Variants in FBXO9 observed in about 807,000 individuals in gnomAD.
FBXO9 encodes the protein F-box protein 9, also known as F-box only protein 9.
Under a neutral mutation model 63.7 loss-of-function variants are expected in FBXO9, and 43 were observed. That is an observed-to-expected ratio of 0.67 (90% CI 0.53 to 0.87). The LOEUF (loss-of-function observed/expected upper bound fraction) is 0.87. Ranked by LOEUF, FBXO9 falls within the 40% of genes least tolerant of loss-of-function variation. The pLI, the probability that FBXO9 is intolerant of heterozygous loss-of-function variation, is 0.00. For missense variants in FBXO9, 442 were observed against 533.2 expected (o/e 0.83, Z 1.68); for synonymous variants, 156 against 171.7 (o/e 0.91, Z 0.72).
At chr6:53,092,585 T>C in intron 8 of FBXO9, 38 bp downstream of exon 8, 1 of 1,534,724 alleles carries the variant, frequency 6.5e-7, no homozygotes, top group Non-Finnish European at 9.0e-7. Flanking sequence ...GAAATACTGA[T>C]CTATAATGCT....
In FBXO9 at chr6:53,097,958, A is replaced by ATAT. The variant is rs1763264270; in HGVS notation, c.*129_*131dup. On this transcript the variant is annotated 3_prime_UTR_variant, in exon 13 of 13. Coordinates refer to ENST00000323557, the MANE Select transcript of FBXO9 (RefSeq NM_033480.3). ...TATATATATATATATATATATATATATATATATATATATATATGGAATTGG... is the reference window on the plus strand; with the variant it reads ...TATATATATATATATATATATATATATATTATATATATATATATATGGAATTGG... 6.6e-6 allele frequency: 1 copy of ATAT among 152,262 alleles called. No individual in the cohort carries two copies. Among genetic ancestry groups the ATAT allele is most frequent in the Non-Finnish European group, 1.3e-5 (1 of 75,666 alleles). The allele number at this position is 152,262 out of a possible 1,614,324, so 9.4% of individuals were successfully genotyped here.
Position 53,065,683 on chromosome 6 carries a change from C to T in FBXO9, c.-107C>T, listed in dbSNP as rs1350207982. 3 of 1,318,930 alleles carry T rather than the reference C, an allele frequency of 2.3e-6. No individual in the cohort carries two copies. The highest frequency in any genetic ancestry group is 3.1e-5 in the African/African-American group (2 of 65,480). The allele number at this position is 1,318,930 out of a possible 1,614,324, so 81.7% of individuals were successfully genotyped here. ...CCGAGAACTCTGCTAAGCTCCGCTG[C>T]AGAGACAGGCAGGAGTAGACACCCG... On this transcript the variant is annotated 5_prime_UTR_variant, in exon 1 of 13. Transcript: ENST00000323557.
At chr6:53,083,197 T>C (rs1184583614) in intron 7 of FBXO9, among the ~76,000 whole-genome samples, 1 of 152,236 alleles carries the variant, frequency 6.6e-6, no homozygotes, top group Non-Finnish European at 1.5e-5. Flanking sequence ...AGTCCTTATA[T>C]AGAATTTTTA....
chr6:53,070,887 A>C, intron 1 of FBXO9, 170 bp from the exon 2 acceptor site: 1 of 1,026,896 alleles, frequency 9.7e-7, no homozygotes, highest in Non-Finnish European at 1.4e-6. Flanking sequence ...TTCCTTTGGA[A>C]ATTAATAGTA....
At chr6:53,084,202 A>G (rs1769400285) in intron 7 of FBXO9, among the ~76,000 whole-genome samples, 1 of 152,242 alleles carries the variant, frequency 6.6e-6, no homozygotes, top group African/African-American at 2.4e-5. Flanking sequence ...CTTAAGAACA[A>G]CTAATTGAGT....
At position 53,093,937 on chromosome 6, in the gene FBXO9, C is replaced by G. The variant is rs1483711087; in HGVS notation, c.1012C>G (p.Gln338Glu). ...HYRLSQDTDNQTKVFAVITKK... is the reference protein window; with the variant it reads ...HYRLSQDTDNETKVFAVITKK... ...TCGCTTGTCACAAGACACAGACAAT[C>G]AGACCAAAGTATTTGCTGTAATAAC... The change falls in exon 11 of 13, where the codon CAG becomes GAG. Residue 338 changes from glutamine to glutamate, a missense_variant. Transcript: ENST00000323557. 6.4e-7 allele frequency: 1 copy of G among 1,554,058 alleles called. No individual in the cohort carries two copies. Among genetic ancestry groups the G allele is most frequent in the East Asian group, 2.4e-5 (1 of 41,394 alleles).
rs757029491 is a variant in FBXO9 at position 53,071,098 on chromosome 6, AGAT to A, written c.54_56del (p.Asp18del). ...ATTGTCATTCTGATACTGTCAGAGC[AGAT>A]GATGATGAAGAAAATGAAAGTCCTG... On this transcript the variant is annotated inframe_deletion, in exon 2 of 13. Transcript: ENST00000323557. The A allele has an allele frequency of 1.1e-3, 1,686 of 1,573,830 alleles. 1 individual carries two copies. The highest frequency in any genetic ancestry group is 1.4e-3 in the Non-Finnish European group (1,621 of 1,157,568).
chr6:53,095,823 C>G (rs1763194753), intron 12 of FBXO9, among the ~76,000 whole-genome samples, 159 bp downstream of exon 12: 1 of 152,084 alleles, frequency 6.6e-6, no homozygotes, highest in Non-Finnish European at 1.5e-5. Context: ...GAAAATGGCC[C>G]AAACGAAAAA....
At position 53,065,577 on chromosome 6, in the gene FBXO9, C is replaced by A; in HGVS notation, c.-213C>A. ...CAGCCGCCGCCACCCCAGCGCGCCC[C>A]GATCTGGCCCCCTGCCCCGCGAAGA... On this transcript the variant is annotated 5_prime_UTR_variant, in exon 1 of 13. Transcript: ENST00000323557. 1 of 499,584 alleles carries A rather than the reference C, an allele frequency of 2.0e-6. No homozygotes were observed. The highest frequency in any genetic ancestry group is 3.2e-6 in the Non-Finnish European group (1 of 315,278). 30.9% of individuals were successfully genotyped at this position (499,584 alleles called of 1,614,324 possible).
chr6:53,088,641 C>G (rs1221479691), intron 7 of FBXO9, among the ~76,000 whole-genome samples: 3 of 151,776 alleles, frequency 2.0e-5, no homozygotes, highest in Non-Finnish European at 4.4e-5. Context: ...CTCTGTCGCC[C>G]AGGCTGCAGT....
rs534293554 is a variant in FBXO9, at chr6:53,087,389, A to ATG, written c.653+4772_653+4773insGT. On this transcript the variant is annotated intron_variant, in intron 7 of 12. Transcript: ENST00000323557. Reference sequence around the variant, plus strand: ...GAGATAAACATTTCAGTGTCAGGCTATTAACAGCAGAGCTAGAACTGGAGG... The same window carrying ATG: ...GAGATAAACATTTCAGTGTCAGGCTATGTTAACAGCAGAGCTAGAACTGGAGG... Among the ~76,000 whole-genome samples the ATG allele has an allele frequency of 3.5e-3, 532 of 151,594 alleles. 3 individuals carry two copies. Among genetic ancestry groups the ATG allele is most frequent in the African/African-American group, 0.012 (504 of 41,316 alleles).
At chr6:53,075,431 G>T (rs944021258) in intron 3 of FBXO9, among the ~76,000 whole-genome samples, 2 of 151,138 alleles carry the variant, frequency 1.3e-5, no homozygotes, top group African/African-American at 4.9e-5. Context: ...CACTTTGGGA[G>T]CCTGGGGTTT....
intron 4 of FBXO9, 103 bp from the exon 5 acceptor site, chr6:53,078,696 C>T (rs1038610328): frequency 6.9e-5 from 54 of 782,850 alleles, no homozygotes; most frequent in Admixed American, 2.2e-4. Flanking sequence ...AGAATTTGGC[C>T]GTTTGTAAAG....
At chr6:53,092,255 G>T in intron 7 of FBXO9, 174 bp from the exon 8 acceptor site, 1 of 552,586 alleles carries the variant, frequency 1.8e-6, no homozygotes. Context: ...CTCTCAATTT[G>T]CTTTCCCACA....
chr6:53,092,763 C>A lies in FBXO9; in HGVS notation c.802C>A (p.Arg268Ser). Residue 268 changes from arginine to serine, a missense_variant, in exon 9 of 13, where the codon CGT becomes AGT. Coordinates refer to ENST00000323557, the MANE Select transcript of FBXO9 (RefSeq NM_033480.3). ...GVYISKTTYI[R>S]QGEQSLDGFY... ...GTATATCAGTAAAACCACATATATTCGTCAAGGGGAACAGTCTCTTGATGG... is the reference window on the plus strand; with the variant it reads ...GTATATCAGTAAAACCACATATATTAGTCAAGGGGAACAGTCTCTTGATGG... 6.2e-7 allele frequency: 1 copy of A among 1,611,984 alleles called. No homozygotes were observed.
chr6:53,099,140 A>G lies in FBXO9; in HGVS notation c.*1310A>G, dbSNP rs1763288700. 1 of 151,118 alleles carries G rather than the reference A, an allele frequency of 6.6e-6. No homozygotes were observed. Among genetic ancestry groups the G allele is most frequent in the African/African-American group, 2.4e-5 (1 of 40,900 alleles). 9.4% of individuals were successfully genotyped at this position (151,118 alleles called of 1,614,324 possible). A position where few individuals can be genotyped will look rare whatever the true frequency, so the allele number is the denominator to read the frequency against. ...GGTGGCTCATGCCTATAATCCCAGC[A>G]CTTTGGGAGGCTAAGACAGGCAGAT... On this transcript the variant is annotated 3_prime_UTR_variant, in exon 13 of 13. Transcript: ENST00000323557.
chr6:53,100,000 A>T lies in FBXO9; in HGVS notation c.*2170A>T, dbSNP rs1263101269. On this transcript the variant is annotated 3_prime_UTR_variant, in exon 13 of 13. Coordinates refer to ENST00000323557, the MANE Select transcript of FBXO9 (RefSeq NM_033480.3). ...CCCTAGATTGAATGATCTGTTGCAG[A>T]TGGTGGATACCAAGTTCAAATTTAA... 2 of 152,258 alleles carry T rather than the reference A, an allele frequency of 1.3e-5. No individual in the cohort carries two copies. Among genetic ancestry groups the T allele is most frequent in the African/African-American group, 4.8e-5 (2 of 41,470 alleles). The allele number at this position is 152,258 out of a possible 1,614,324, so 9.4% of individuals were successfully genotyped here. A position where few individuals can be genotyped will look rare whatever the true frequency, so the allele number is the denominator to read the frequency against.
At chr6:53,072,080 G>A (rs1355801174) in intron 2 of FBXO9, among the ~76,000 whole-genome samples, 1 of 152,134 alleles carries the variant, frequency 6.6e-6, no homozygotes, top group Non-Finnish European at 1.5e-5. Context: ...ATTTGGAACA[G>A]CTCATCTAGT....
chr6:53,083,089 T>G (rs1457913967), intron 7 of FBXO9, among the ~76,000 whole-genome samples: 1 of 152,196 alleles, frequency 6.6e-6, no homozygotes, highest in Non-Finnish European at 1.5e-5. Flanking sequence ...GCTAGCCATG[T>G]GCAGAAGATG....
Sources: gnomAD v4.1 joint callset for allele counts (sites outside exome capture counted in the v4.1 genomes callset) on GRCh38, gnomAD v4.1.1 for gene constraint, MANE v1.5 for transcripts, NCBI Gene and HGNC (gene_info 2026-07-23, HGNC 2026-07-21) for gene names.